The following PPARGC1B variants were observed in gnomAD, a reference collection of about 807,000 sequenced individuals.
PPARGC1B encodes peroxisome proliferator-activated receptor gamma coactivator 1-beta.
A neutral mutation model predicts 101.6 loss-of-function variants in PPARGC1B; 34 were observed. The ratio of observed to expected loss-of-function variants is 0.33; its 90% CI spans 0.25 to 0.45. PPARGC1B has a LOEUF of 0.45. Among genes scored for constraint, PPARGC1B ranks in the 20% least tolerant of loss-of-function variants. The pLI is 1.00. For synonymous variants in PPARGC1B, 548 were observed against 539.3 expected (o/e 1.02, Z -0.22); for missense variants, 1,234 against 1,317.6 (o/e 0.94, Z 0.98).
intron 1 of PPARGC1B, among the ~76,000 whole-genome samples, chr5:149,731,208 CGT>C: frequency 6.6e-6 from 1 of 152,196 alleles, no homozygotes; most frequent in African/African-American, 2.4e-5. Context: ...GCGACACGCG[CGT>C]GACAGGAGAG....
In PPARGC1B at chr5:149,830,867, A is replaced by G; in HGVS notation, c.566A>G (p.Gln189Arg). ...CAGGCAGGCCTCAGATCTAAAAGTC[A>G]ACGGCCTTGTGTTAAGGTATTTCTT... Reference protein sequence around the residue: ...WRQAGLRSKSQRPCVKADSTQ... With the variant: ...WRQAGLRSKSRRPCVKADSTQ... Residue 189 changes from glutamine to arginine, a missense_variant, in exon 4 of 12, where the codon CAA (glutamine) becomes CGA (arginine). This residue lies in a region of PPARGC1B where 734 missense variants were observed against 768.4 expected (regional missense o/e 0.96). Transcript: ENST00000309241. 6.2e-7 allele frequency: 1 copy of G among 1,612,892 alleles called. No individual in the cohort carries two copies. Among genetic ancestry groups the G allele is most frequent in the African/African-American group, 1.3e-5 (1 of 75,042 alleles).
At chr5:149,799,946 A>G (rs1757377494) in intron 1 of PPARGC1B, among the ~76,000 whole-genome samples, 1 of 151,750 alleles carries the variant, frequency 6.6e-6, no homozygotes, top group African/African-American at 2.4e-5. Context: ...TAATTCACCC[A>G]TCTCGGCCTC....
In PPARGC1B at chr5:149,802,126, G is replaced by C. The variant is rs537689111; in HGVS notation, c.79-18307G>C. ...CTCCAGTTCACTTTGACCCTTCTCA[G>C]GACTTGGCCCAAGGCCCCAGCTTCT... On this transcript the variant is annotated intron_variant, in intron 1 of 11. Coordinates refer to ENST00000309241, the MANE Select transcript of PPARGC1B (RefSeq NM_133263.4). 7.9e-5 allele frequency among the ~76,000 whole-genome samples: 12 copies of C among 152,288 alleles called. No individual in the cohort carries two copies. The South Asian group carries it at 2.3e-3, about 29-fold the overall frequency.
intron 1 of PPARGC1B, among the ~76,000 whole-genome samples, chr5:149,752,274 G>A (rs1755335569): frequency 6.6e-6 from 1 of 152,180 alleles, no homozygotes; most frequent in South Asian, 2.1e-4. Flanking sequence ...TTTAAACTCA[G>A]CCTTCCTGAT....
chr5:149,809,336 A>C lies in PPARGC1B; in HGVS notation c.79-11097A>C, dbSNP rs538400067. 3.7e-4 allele frequency among the ~76,000 whole-genome samples: 41 copies of C among 111,210 alleles called. 1 individual carries two copies. The highest frequency in any genetic ancestry group is 2.5e-3 in the South Asian group (7 of 2,790). 73.0% of individuals were successfully genotyped at this position (111,210 alleles called of 152,430 possible). ...TAGATAGATAGATAGATAGATAGAT[A>C]GATCCATCTCTACCATAGATAGATA... On this transcript the variant is annotated intron_variant, in intron 1 of 11. Transcript: ENST00000309241.
At chr5:149,773,216 G>A (rs907350255) in intron 1 of PPARGC1B, among the ~76,000 whole-genome samples, 1 of 152,234 alleles carries the variant, frequency 6.6e-6, no homozygotes, top group Non-Finnish European at 1.5e-5. Flanking sequence ...GACTGCTGTG[G>A]TCGTGTCTTG....
intron 1 of PPARGC1B, among the ~76,000 whole-genome samples, chr5:149,745,755 TG>T (rs11363973): frequency 0.33 from 50,228 of 151,806 alleles, 8,777 homozygotes; most frequent in Non-Finnish European, 0.39. Flanking sequence ...GTCTAGAGAG[TG>T]ACTTGGTAGG....
chr5:149,781,874 C>T (rs6579757), intron 1 of PPARGC1B, among the ~76,000 whole-genome samples: 81,368 of 152,064 alleles, frequency 0.54, 22,762 homozygotes, highest in African/African-American at 0.7. Flanking sequence ...ATAACCCTGA[C>T]AGGACTTGGC....
At chr5:149,806,022 C>A (rs1219983360) in intron 1 of PPARGC1B, among the ~76,000 whole-genome samples, 1 of 152,200 alleles carries the variant, frequency 6.6e-6, no homozygotes, top group East Asian at 1.9e-4. Flanking sequence ...ATCTCTCCCT[C>A]GGCCTGGTCA....
At chr5:149,741,794 A>AT (rs1212335231) in intron 1 of PPARGC1B, among the ~76,000 whole-genome samples, 1 of 151,640 alleles carries the variant, frequency 6.6e-6, no homozygotes. Flanking sequence ...TGCCTGGCTA[A>AT]TTTTTTTGTA....
In PPARGC1B at chr5:149,837,001, G is replaced by C. The variant is rs1255924721; in HGVS notation, c.2546G>C (p.Cys849Ser). ...CCAAGCAAGGCCAACCGGCAGCTCT[G>C]TTCCCGCAGCCGCTCAAGCTCTGGC... ...SPPSKANRQL[C>S]SRSRSSSGSS... The change falls in exon 8 of 12, where the codon TGT (cysteine) becomes TCT (serine). Residue 849 changes from cysteine to serine, a missense_variant. Physicochemically the swap from Cys to Ser is moderately radical, Grantham distance 112 (BLOSUM62 -1). Around this residue, in one of 3 missense-constraint regions of PPARGC1B, gnomAD observed 497 missense variants for 529.5 expected, o/e 0.94. Transcript: ENST00000309241. This position sits in a 1 kb window ranked among gnomAD's most constrained non-coding sequence, Gnocchi z 4.2. The C allele has an allele frequency of 3.7e-6, 6 of 1,613,994 alleles. No individual in the cohort carries two copies. The highest frequency in any genetic ancestry group is 4.2e-6 in the Non-Finnish European group (5 of 1,180,030).
intron 10 of PPARGC1B, among the ~76,000 whole-genome samples, chr5:149,844,279 A>C (rs1221782822): frequency 1.3e-5 from 2 of 152,264 alleles, no homozygotes; most frequent in Non-Finnish European, 2.9e-5. Context: ...GAGAAAGATC[A>C]GTCTGTTAAG....
intron 1 of PPARGC1B, among the ~76,000 whole-genome samples, chr5:149,789,199 T>A (rs1317884829): frequency 6.6e-6 from 1 of 152,164 alleles, no homozygotes; most frequent in African/African-American, 2.4e-5. Context: ...AAAGCAGTAG[T>A]GTGTTTGTCA....
Position 149,836,298 on chromosome 5 carries a change from A to C in PPARGC1B, c.1843A>C (p.Thr615Pro), listed in dbSNP as rs748593296. ...TPPTTPPYKPTEEDPFKPDIK... is the reference protein window; with the variant it reads ...TPPTTPPYKPPEEDPFKPDIK... ...ACCCACCACACCACCGTACAAGCCC[A>C]CAGAGGAGGATCCCTTCAAACCAGA... Residue 615 changes from threonine to proline, a missense_variant, in exon 8 of 12, where the codon ACA becomes CCA. Physicochemically the swap from Thr to Pro is conservative, Grantham distance 38 (BLOSUM62 -1). Around this residue, in one of 3 missense-constraint regions of PPARGC1B, gnomAD observed 497 missense variants for 529.5 expected, o/e 0.94. Coordinates refer to ENST00000309241, the MANE Select transcript of PPARGC1B (RefSeq NM_133263.4). 1 of 1,607,214 alleles carries C rather than the reference A, an allele frequency of 6.2e-7. No homozygotes were observed. Among genetic ancestry groups the C allele is most frequent in the Admixed American group, 1.7e-5 (1 of 58,892 alleles).
At chr5:149,821,622 G>T (rs549134272) in intron 2 of PPARGC1B, among the ~76,000 whole-genome samples, 2 of 152,292 alleles carry the variant, frequency 1.3e-5, no homozygotes, top group South Asian at 4.1e-4. Flanking sequence ...ATAACATCGC[G>T]TGTGCTGAAC....
chr5:149,821,673 C>A (rs1758304272), intron 2 of PPARGC1B, among the ~76,000 whole-genome samples: 1 of 152,226 alleles, frequency 6.6e-6, no homozygotes, highest in Admixed American at 6.5e-5. Flanking sequence ...CAAGCGTCCT[C>A]CTCATGGATT....
intron 1 of PPARGC1B, among the ~76,000 whole-genome samples, chr5:149,777,689 T>G (rs1444516901): frequency 6.6e-6 from 1 of 151,908 alleles, no homozygotes; most frequent in Admixed American, 6.6e-5. Context: ...CTTGCCTTCT[T>G]TGGTCCTCTC....
At chr5:149,844,801 T>C (rs1273237254) in intron 10 of PPARGC1B, among the ~76,000 whole-genome samples, 1 of 152,014 alleles carries the variant, frequency 6.6e-6, no homozygotes, top group Non-Finnish European at 1.5e-5. Context: ...CCTTGAGGAG[T>C]TTACATAGCA....
intron 1 of PPARGC1B, among the ~76,000 whole-genome samples, chr5:149,758,538 C>T (rs1320589812): frequency 5.9e-5 from 9 of 152,218 alleles, no homozygotes; most frequent in Non-Finnish European, 8.8e-5. Context: ...TGAACAAGTA[C>T]AGGACCTGGT....
Sources: gnomAD v4.1 joint callset for allele counts (sites outside exome capture counted in the v4.1 genomes callset) on GRCh38, gnomAD v4.1.1 for gene constraint, gnomAD v4.1.1 regional missense constraint, Gnocchi (gnomAD v3.1) non-coding constraint, MANE v1.5 for transcripts, NCBI Gene and HGNC (gene_info 2026-07-23, HGNC 2026-07-21) for gene names.